The following MAML2 variants were observed in gnomAD, a reference collection of about 807,000 sequenced individuals.
The protein encoded by MAML2 is mastermind-like protein 2.
Under a neutral mutation model 96.1 loss-of-function variants are expected in MAML2, and 22 were observed. The ratio of observed to expected loss-of-function variants is 0.23; its 90% CI spans 0.16 to 0.33. The LOEUF is 0.33. Among genes scored for constraint, MAML2 ranks in the 10% least tolerant of loss-of-function variants. The pLI is 1.00. For missense variants in MAML2, 1,367 were observed against 1,392.4 expected (o/e 0.98, Z 0.29); for synonymous variants, 561 against 521.3 (o/e 1.08, Z -1.04).
intron 1 of MAML2, among the ~76,000 whole-genome samples, chr11:96,292,639 T>C (rs1171621707): frequency 6.6e-6 from 1 of 152,222 alleles, no homozygotes; most frequent in East Asian, 1.9e-4. Context: ...TTTTTATCTG[T>C]TGTCCAAAAC....
chr11:96,214,106 A>G lies in MAML2; in HGVS notation c.514-120589T>C, dbSNP rs559461542. Among the ~76,000 whole-genome samples, 16 of 152,370 alleles carry G rather than the reference A, an allele frequency of 1.1e-4. No homozygotes were observed. The East Asian group carries it at 3.1e-3, about 29-fold the overall frequency. On this transcript the variant is annotated intron_variant, in intron 1 of 4. Coordinates refer to ENST00000524717, the MANE Select transcript of MAML2 (RefSeq NM_032427.4). ...ACAAATATACATATACATATATACA[A>G]ATAGTGAAAGTATCTCCTATTATTG...
At chr11:96,101,687 C>T (rs6483479) in intron 1 of MAML2, among the ~76,000 whole-genome samples, 103,863 of 152,078 alleles carry the variant, frequency 0.68, 35,810 homozygotes, top group East Asian at 0.98. Flanking sequence ...AGCAGAGCTC[C>T]ATCACCGGCA....
chr11:96,307,177 T>C (rs1396134218), intron 1 of MAML2, among the ~76,000 whole-genome samples: 2 of 152,164 alleles, frequency 1.3e-5, no homozygotes, highest in Non-Finnish European at 2.9e-5. Context: ...ATCACTCCAA[T>C]CCCTGCTCCC....
intron 1 of MAML2, among the ~76,000 whole-genome samples, chr11:96,169,769 C>G (rs761587126): frequency 7.2e-5 from 11 of 151,772 alleles, no homozygotes; most frequent in Non-Finnish European, 1.5e-4. Flanking sequence ...ATTCTCCTGC[C>G]TCAGCCTCCT....
intron 2 of MAML2, 97 bp downstream of exon 2, chr11:96,091,795 T>C: frequency 1.4e-6 from 2 of 1,479,642 alleles, no homozygotes; most frequent in Non-Finnish European, 1.8e-6. Context: ...TCTTTGGTCT[T>C]GATCTTGTCC....
At chr11:96,199,976 T>C (rs929165166) in intron 1 of MAML2, among the ~76,000 whole-genome samples, 1 of 152,166 alleles carries the variant, frequency 6.6e-6, no homozygotes, top group African/African-American at 2.4e-5. Flanking sequence ...GGGAAGGGAA[T>C]CACTTAACAG....
chr11:96,318,231 G>GC (rs933789521), intron 1 of MAML2, among the ~76,000 whole-genome samples: 1 of 152,184 alleles, frequency 6.6e-6, no homozygotes, highest in African/African-American at 2.4e-5. Context: ...TCCAAGAAAG[G>GC]TGCCACTATT....
intron 1 of MAML2, among the ~76,000 whole-genome samples, chr11:96,147,066 G>C (rs1860833167): frequency 6.6e-6 from 1 of 152,186 alleles, no homozygotes; most frequent in Non-Finnish European, 1.5e-5. Flanking sequence ...ACCCACTTAT[G>C]AGTTAGTGTC....
At chr11:96,000,715 C>T (rs1339806045) in intron 2 of MAML2, among the ~76,000 whole-genome samples, 7 of 152,110 alleles carry the variant, frequency 4.6e-5, no homozygotes, top group Admixed American at 3.9e-4. Flanking sequence ...ATCTTTCATC[C>T]AACTCTATTT....
At chr11:96,144,441 G>A (rs2135869693) in intron 1 of MAML2, among the ~76,000 whole-genome samples, 1 of 152,296 alleles carries the variant, frequency 6.6e-6, no homozygotes, top group South Asian at 2.1e-4. Context: ...AGAGTAAGTG[G>A]TAGAAGTGGG....
intron 2 of MAML2, among the ~76,000 whole-genome samples, chr11:96,046,936 A>C (rs1565198781): frequency 6.6e-6 from 1 of 152,200 alleles, no homozygotes. Context: ...CCTACTTTCC[A>C]ACAATAAGTT....
chr11:96,235,603 G>C (rs1862356615), intron 1 of MAML2, among the ~76,000 whole-genome samples: 2 of 152,186 alleles, frequency 1.3e-5, no homozygotes, highest in Non-Finnish European at 2.9e-5. Flanking sequence ...AGTAAGGAGG[G>C]CTGGCCCTGG....
intron 1 of MAML2, among the ~76,000 whole-genome samples, chr11:96,291,511 A>T (rs1041039665): frequency 6.6e-6 from 1 of 152,154 alleles, no homozygotes; most frequent in Non-Finnish European, 1.5e-5. Flanking sequence ...TAACGTCCAG[A>T]TGAGGTAAAT....
At chr11:96,137,165 T>C (rs1295485744) in intron 1 of MAML2, among the ~76,000 whole-genome samples, 3 of 152,216 alleles carry the variant, frequency 2.0e-5, no homozygotes, top group Non-Finnish European at 4.4e-5. Flanking sequence ...AAATGTTGCA[T>C]GCACTTAATA....
chr11:96,225,407 T>C (rs936817067), intron 1 of MAML2, among the ~76,000 whole-genome samples: 1 of 152,204 alleles, frequency 6.6e-6, no homozygotes, highest in Non-Finnish European at 1.5e-5. Context: ...AGCCCCAGCA[T>C]ACAGCTTGAC....
chr11:96,198,688 G>A (rs903521196), intron 1 of MAML2, among the ~76,000 whole-genome samples: 3 of 151,972 alleles, frequency 2.0e-5, no homozygotes, highest in African/African-American at 7.2e-5. Context: ...TTAGGCTTCC[G>A]GGAAAAGGTG....
chr11:96,198,730 A>G (rs1241511330), intron 1 of MAML2, among the ~76,000 whole-genome samples: 1 of 152,066 alleles, frequency 6.6e-6, no homozygotes, highest in Non-Finnish European at 1.5e-5. Context: ...AAGGAGGAAC[A>G]ATATCCCTTC....
chr11:96,043,176 G>C (rs568689083), intron 2 of MAML2, among the ~76,000 whole-genome samples: 43 of 152,278 alleles, frequency 2.8e-4, no homozygotes, highest in African/African-American at 9.9e-4. Flanking sequence ...CGGAAGGAAG[G>C]ACCAACAGCT....
intron 2 of MAML2, among the ~76,000 whole-genome samples, chr11:96,081,738 G>A (rs1230974678): frequency 1.3e-5 from 2 of 152,174 alleles, no homozygotes; most frequent in Non-Finnish European, 2.9e-5. Context: ...TATCTCATGG[G>A]TTATTTCATG....
Sources: allele counts gnomAD v4.1 joint callset (sites outside exome capture counted in the v4.1 genomes callset), GRCh38; gene constraint gnomAD v4.1.1; transcripts MANE v1.5; gene names NCBI Gene and HGNC (gene_info 2026-07-23, HGNC 2026-07-21).